The following ATL2 variants were observed in gnomAD, a reference collection of about 807,000 sequenced individuals.
ATL2 encodes the protein atlastin-2.
ATL2 carries 31 observed loss-of-function variants against 73.9 expected under a neutral mutation model. That is an observed-to-expected ratio of 0.42 (90% CI 0.32 to 0.57). The LOEUF (loss-of-function observed/expected upper bound fraction) is 0.57, where lower values mean the gene tolerates loss of function less well. Ranked by LOEUF, ATL2 falls within the 20% of genes least tolerant of loss-of-function variation. The probability of loss-of-function intolerance (pLI) is 0.14; values close to 1 mark genes in which losing one functional copy is unlikely to be tolerated. For missense variants in ATL2, 738 were observed against 702.6 expected (o/e 1.05, Z -0.57); for synonymous variants, 291 against 237.5 (o/e 1.23, Z -2.07).
In ATL2 at chr2:38,339,098, C is replaced by A. The variant is rs183576854; in HGVS notation, c.363+4170G>T. Reference sequence around the variant, plus strand: ...GTGTGTGGTGGCAGGCACCTGTAATCCCAGCTACTCAGGAGGCTGAGGCGA... The same window carrying A: ...GTGTGTGGTGGCAGGCACCTGTAATACCAGCTACTCAGGAGGCTGAGGCGA... On this transcript the variant is annotated intron_variant, in intron 2 of 12. Transcript: ENST00000378954. Among the ~76,000 whole-genome samples the A allele has an allele frequency of 3.7e-3, 560 of 152,210 alleles. 2 individuals carry two copies. The highest frequency in any genetic ancestry group is 5.1e-3 in the Non-Finnish European group (346 of 68,002).
At position 38,357,557 on chromosome 2, in the gene ATL2, C is replaced by T. The variant is rs188588283; in HGVS notation, c.119-14045G>A. 2.6e-3 allele frequency among the ~76,000 whole-genome samples: 366 copies of T among 143,278 alleles called. 1 individual carries two copies. Among genetic ancestry groups the T allele is most frequent in the African/African-American group, 9.5e-3 (354 of 37,324 alleles). 94.0% of individuals were successfully genotyped at this position (143,278 alleles called of 152,430 possible). On this transcript the variant is annotated intron_variant, in intron 1 of 12. Transcript: ENST00000378954. ...GTCCCAGCTATTCAGGAGGCTGAGG[C>T]AGAAGAATCGCTTGAACCCGGGAGG...
intron 2 of ATL2, among the ~76,000 whole-genome samples, chr2:38,335,166 A>G (rs1669280671): frequency 6.6e-6 from 1 of 151,690 alleles, no homozygotes; most frequent in Admixed American, 6.6e-5. Context: ...TAATGAAACC[A>G]CTTCGGAAAA....
At chr2:38,318,513 A>C in intron 4 of ATL2, 22 bp downstream of exon 4, 2 of 1,523,144 alleles carry the variant, frequency 1.3e-6, no homozygotes, top group Middle Eastern at 1.7e-4. Context: ...AACTGATCGC[A>C]CCACTTAATC....
intron 9 of ATL2, among the ~76,000 whole-genome samples, chr2:38,309,003 C>G (rs1350460623): frequency 6.6e-6 from 1 of 151,094 alleles, no homozygotes; most frequent in Non-Finnish European, 1.5e-5. Flanking sequence ...CTGTTCTTAT[C>G]AAGTCCTCAG....
intron 12 of ATL2, 78 bp downstream of exon 12, chr2:38,298,066 G>A: frequency 7.4e-7 from 1 of 1,349,394 alleles, no homozygotes; most frequent in Non-Finnish European, 1.0e-6. Context: ...GGCAAAGTCG[G>A]AGTACAAATA....
intron 1 of ATL2, 66 bp downstream of exon 1, chr2:38,377,077 G>C (rs180888623): frequency 0.032 from 48,665 of 1,505,074 alleles, 926 homozygotes; most frequent in Non-Finnish European, 0.038. Context: ...GCCGGTGCCC[G>C]CGAGCCCGAG....
intron 1 of ATL2, among the ~76,000 whole-genome samples, chr2:38,353,116 A>G (rs1558442640): frequency 6.6e-6 from 1 of 152,262 alleles, no homozygotes; most frequent in African/African-American, 2.4e-5. Context: ...AGCAGTTAAC[A>G]GTACCAATTC....
intron 2 of ATL2, among the ~76,000 whole-genome samples, chr2:38,322,467 G>GGGTA (rs1668379713): frequency 6.6e-6 from 1 of 152,126 alleles, no homozygotes; most frequent in African/African-American, 2.4e-5. Context: ...TTTTGAGCAT[G>GGGTA]GGTAATAAAT....
chr2:38,346,302 C>G (rs989445796), intron 1 of ATL2, among the ~76,000 whole-genome samples: 2 of 152,150 alleles, frequency 1.3e-5, no homozygotes, highest in Non-Finnish European at 2.9e-5. Context: ...TCCTCTTACC[C>G]AATCCAATCT....
intron 2 of ATL2, 78 bp downstream of exon 2, chr2:38,343,190 G>A: frequency 1.3e-6 from 1 of 781,086 alleles, no homozygotes; most frequent in Non-Finnish European, 1.9e-6. Flanking sequence ...ATATAGTTCT[G>A]GTTTTTGTCT....
chr2:38,298,697 CACTT>C (rs1314073834), intron 11 of ATL2, 122 bp from the exon 12 acceptor site: 15 of 955,540 alleles, frequency 1.6e-5, no homozygotes, highest in Non-Finnish European at 2.4e-5. Flanking sequence ...GTTTTAAACT[CACTT>C]ACAATACCTC....
intron 1 of ATL2, among the ~76,000 whole-genome samples, chr2:38,357,160 T>C (rs1008786492): frequency 4.6e-5 from 7 of 151,988 alleles, no homozygotes; most frequent in African/African-American, 1.7e-4. Flanking sequence ...AAACCCTGTC[T>C]CTACTAAAAA....
chr2:38,302,757 G>C (rs1186225919), intron 9 of ATL2, among the ~76,000 whole-genome samples: 1 of 152,150 alleles, frequency 6.6e-6, no homozygotes, highest in African/African-American at 2.4e-5. Context: ...CAGCATTATG[G>C]GCTTGAAATG....
At chr2:38,360,128 C>CA (rs755582696) in intron 1 of ATL2, among the ~76,000 whole-genome samples, 1,714 of 81,180 alleles carry the variant, frequency 0.021, 20 homozygotes, top group East Asian at 0.054. Flanking sequence ...GGCTCCATTT[C>CA]AAAAAAAAAA....
intron 1 of ATL2, among the ~76,000 whole-genome samples, chr2:38,350,515 G>A (rs370881032): frequency 1.3e-5 from 2 of 152,106 alleles, no homozygotes; most frequent in African/African-American, 2.4e-5. Flanking sequence ...TCTATAATAC[G>A]AAATTGGTTG....
chr2:38,376,957 A>G (rs1294129780), intron 1 of ATL2, among the ~76,000 whole-genome samples, 186 bp downstream of exon 1: 1 of 150,852 alleles, frequency 6.6e-6, no homozygotes, highest in Non-Finnish European at 1.5e-5. Context: ...CCGCCCTTTC[A>G]GGCCGCGCGC....
intron 12 of ATL2, among the ~76,000 whole-genome samples, chr2:38,297,304 A>G (rs1235902170): frequency 1.3e-5 from 2 of 152,228 alleles, no homozygotes; most frequent in South Asian, 2.1e-4. Context: ...AATAAGCTCA[A>G]TATTTCATGA....
intron 7 of ATL2, 43 bp downstream of exon 7, chr2:38,313,108 A>G: frequency 6.9e-7 from 1 of 1,452,706 alleles, no homozygotes; most frequent in Non-Finnish European, 9.6e-7. Context: ...CCGTTTGCCT[A>G]GCTTGGTGCT....
rs188090182 is a variant in ATL2 at position 38,334,986 on chromosome 2, A to T, written c.363+8282T>A. 5.5e-3 allele frequency among the ~76,000 whole-genome samples: 796 copies of T among 143,708 alleles called. 23 individuals carry two copies. The highest frequency in any genetic ancestry group is 4.8e-3 in the Non-Finnish European group (322 of 66,818). The allele number at this position is 143,708 out of a possible 152,430, so 94.3% of individuals were successfully genotyped here. On this transcript the variant is annotated intron_variant, in intron 2 of 12. Coordinates refer to ENST00000378954, the MANE Select transcript of ATL2 (RefSeq NM_001135673.4). ...ATTAAATAAGCTAAACTTCTACATT[A>T]AATCTGGCAAATAGTTTATGAGCAA...
Sources: gnomAD v4.1 joint callset for allele counts (sites outside exome capture counted in the v4.1 genomes callset) on GRCh38, gnomAD v4.1.1 for gene constraint, MANE v1.5 for transcripts, NCBI Gene and HGNC (gene_info 2026-07-23, HGNC 2026-07-21) for gene names.